PELP1: variants seen among roughly 807,000 people sequenced by gnomAD.
PELP1 encodes proline, glutamate and leucine rich protein 1.
In PELP1, 32 loss-of-function variants were observed where a neutral mutation model predicts 95.5. The observed-to-expected ratio is 0.34, with a 90% CI of 0.25 to 0.45. The LOEUF (loss-of-function observed/expected upper bound fraction) is 0.45, where lower values mean the gene tolerates loss of function less well. Among genes scored for constraint, PELP1 ranks in the 20% least tolerant of loss-of-function variants. The pLI is 1.00. For missense variants in PELP1, 1,358 were observed against 1,444.8 expected, an observed-to-expected ratio of 0.94 and a Z score of 0.97; for synonymous variants, 668 against 600.1, an observed-to-expected ratio of 1.11 and a Z score of -1.65.
chr17:4,685,620 T>C (rs576861089), intron 3 of PELP1, among the ~76,000 whole-genome samples: 2 of 41,692 alleles, frequency 4.8e-5, no homozygotes, highest in South Asian at 1.4e-3. Context: ...CAAGAACCCA[T>C]CTGTACAAAA....
chr17:4,673,204 CAA>C lies in PELP1; in HGVS notation c.1845+44_1845+45del. On this transcript the variant is annotated intron_variant, in intron 15 of 16. Coordinates refer to ENST00000572293, the MANE Select transcript of PELP1 (RefSeq NM_014389.3). The surrounding 1 kb of genome is among the most constrained non-coding windows in gnomAD (Gnocchi z 5.7). ...AGAAATACTGGGAGTCTCTTGGAAA[CAA>C]GAGACTCCAGGAACCAAAGAGGGGC... The C allele has an allele frequency of 2.6e-6, 4 of 1,533,654 alleles. No individual in the cohort carries two copies. Among genetic ancestry groups the C allele is most frequent in the Non-Finnish European group, 2.6e-6 (3 of 1,135,708 alleles).
At chr17:4,687,913 C>T (rs1203571126) in intron 3 of PELP1, among the ~76,000 whole-genome samples, 3 of 152,230 alleles carry the variant, frequency 2.0e-5, no homozygotes, top group Non-Finnish European at 2.9e-5. Flanking sequence ...CAACCTTATA[C>T]TGAACAGGGA....
At chr17:4,697,215 C>G (rs368029582) in intron 1 of PELP1, among the ~76,000 whole-genome samples, 2 of 151,752 alleles carry the variant, frequency 1.3e-5, no homozygotes, top group Non-Finnish European at 2.9e-5. Flanking sequence ...ACAGGAGAAT[C>G]GAGAGGAGAG....
At position 4,675,723 on chromosome 17, in the gene PELP1, T is replaced by A. The variant is rs543366159; in HGVS notation, c.1068+74A>T. The A allele has an allele frequency of 9.3e-7, 1 of 1,070,276 alleles. No homozygotes were observed. The highest frequency in any genetic ancestry group is 1.6e-5 in the African/African-American group (1 of 63,982). 66.3% of individuals were successfully genotyped at this position (1,070,276 alleles called of 1,614,324 possible). A position where few individuals can be genotyped will look rare whatever the true frequency, so the allele number is the denominator to read the frequency against. On this transcript the variant is annotated intron_variant, in intron 9 of 16. Transcript: ENST00000572293. This position sits in a 1 kb window ranked among gnomAD's most constrained non-coding sequence, Gnocchi z 4.3. ...CCAGGATGACACTGTTTGGGGAGAC[T>A]CAGGTCCCCAGTACTTTCCTGGTTG...
chr17:4,676,250 C>A, intron 7 of PELP1, 88 bp from the exon 8 acceptor site: 1 of 1,582,290 alleles, frequency 6.3e-7, no homozygotes. Context: ...GTATTCTAAC[C>A]CATTTTCCCC....
At chr17:4,679,500 G>T (rs56376949) in intron 5 of PELP1, among the ~76,000 whole-genome samples, 1,929 of 152,272 alleles carry the variant, frequency 0.013, 14 homozygotes, top group Non-Finnish European at 0.019. Flanking sequence ...ATCCTGTTAA[G>T]TAACACTCAA....
intron 1 of PELP1, among the ~76,000 whole-genome samples, chr17:4,695,312 A>G (rs888542365): frequency 3.4e-4 from 40 of 119,300 alleles, no homozygotes; most frequent in African/African-American, 1.1e-3. Context: ...ACAGAGTGAG[A>G]CTCCGTCTGG....
intron 3 of PELP1, 170 bp from the exon 4 acceptor site, chr17:4,683,122 A>G (rs1401200027): frequency 1.6e-6 from 2 of 1,258,214 alleles, no homozygotes; most frequent in Non-Finnish European, 2.0e-6. Context: ...CTGTGTTTAC[A>G]TTTTACTATT....
chr17:4,702,183 C>A (rs927443492), intron 1 of PELP1, among the ~76,000 whole-genome samples: 1 of 152,148 alleles, frequency 6.6e-6, no homozygotes, highest in Non-Finnish European at 1.5e-5. Flanking sequence ...CTTTGGGAAG[C>A]CAAGGCAAGT....
At chr17:4,680,206 C>T (rs1912638450) in intron 5 of PELP1, among the ~76,000 whole-genome samples, 1 of 152,142 alleles carries the variant, frequency 6.6e-6, no homozygotes, top group Admixed American at 6.6e-5. Flanking sequence ...CAGTGGGCAC[C>T]CACTAAAGAC....
chr17:4,696,027 G>A (rs1481931882), intron 1 of PELP1, among the ~76,000 whole-genome samples: 2 of 15,466 alleles, frequency 1.3e-4, no homozygotes. Context: ...AGTGTTCCAG[G>A]AAAAGAAAAA....
intron 1 of PELP1, among the ~76,000 whole-genome samples, chr17:4,694,165 C>T (rs1913207325): frequency 6.6e-6 from 1 of 152,028 alleles, no homozygotes; most frequent in African/African-American, 2.4e-5. Flanking sequence ...ATAGGCAAAT[C>T]TCTAAAGAAA....
chr17:4,676,371 T>C lies in PELP1; in HGVS notation c.839A>G (p.Glu280Gly). The change falls in exon 7 of 17, where the codon GAG becomes GGG. Residue 280 changes from glutamate to glycine, a missense_variant. This residue lies in a region of PELP1 where 538 missense variants were observed against 628.1 expected (regional missense o/e 0.86). Transcript: ENST00000572293. ...CTGGTCCCTACCAGTCTCTGCTCCC[T>C]CGTACAGGGCCCCCAGCAGGGTGTG... Reference protein sequence around the residue: ...SLHTLLGALYEGAETAPVQNE... With the variant: ...SLHTLLGALYGGAETAPVQNE... The C allele has an allele frequency of 6.2e-7, 1 of 1,613,298 alleles. No homozygotes were observed. The highest frequency in any genetic ancestry group is 8.5e-7 in the Non-Finnish European group (1 of 1,179,672).
At chr17:4,687,035 T>C (rs1433091271) in intron 3 of PELP1, among the ~76,000 whole-genome samples, 4 of 152,222 alleles carry the variant, frequency 2.6e-5, no homozygotes, top group Non-Finnish European at 5.9e-5. Flanking sequence ...TCTTCTCTCA[T>C]GGCTTTGGCA....
chr17:4,688,242 G>A (rs940166967), intron 3 of PELP1, among the ~76,000 whole-genome samples: 19 of 152,076 alleles, frequency 1.2e-4, no homozygotes, highest in African/African-American at 4.6e-4. Flanking sequence ...GGCTGAGGCA[G>A]AAGAATTGCT....
Position 4,671,924 on chromosome 17 carries a change from C to T in PELP1, c.3067G>A (p.Ala1023Thr), listed in dbSNP as rs1244715577. Residue 1023 changes from alanine to threonine, a missense_variant, in exon 16 of 17, where the codon GCT becomes ACT. Transcript: ENST00000572293. ...AGCGCTTCAGGGGCCAGGGTGGGAG[C>T]TGTGTCAGCCCCACGCTCCTCCTCC... Reference protein sequence around the residue: ...GTEEERGADTAPTLAPEALPS... With the variant: ...GTEEERGADTTPTLAPEALPS... 6.6e-7 allele frequency: 1 copy of T among 1,519,638 alleles called. No homozygotes were observed. The highest frequency in any genetic ancestry group is 2.3e-5 in the East Asian group (1 of 44,072). 94.1% of individuals were successfully genotyped at this position (1,519,638 alleles called of 1,614,324 possible).
intron 16 of PELP1, 42 bp downstream of exon 16, chr17:4,671,649 C>A: frequency 6.2e-7 from 1 of 1,601,632 alleles, no homozygotes; most frequent in East Asian, 2.2e-5. Context: ...CCCGCCAGCC[C>A]CACCTTCTCG....
At chr17:4,700,770 T>A (rs189556081) in intron 1 of PELP1, among the ~76,000 whole-genome samples, 48 of 150,214 alleles carry the variant, frequency 3.2e-4, no homozygotes, top group Non-Finnish European at 6.1e-4. Context: ...ACAAAAAAAA[T>A]TTTTAAATTA....
At chr17:4,671,552 A>C in intron 16 of PELP1, 21 bp from the exon 17 acceptor site, 1 of 1,613,268 alleles carries the variant, frequency 6.2e-7, no homozygotes, top group Non-Finnish European at 8.5e-7. Context: ...CAAAGATACA[A>C]GATTCAGAAT....
Sources: allele counts gnomAD v4.1 joint callset (sites outside exome capture counted in the v4.1 genomes callset), GRCh38; gene constraint gnomAD v4.1.1; regional missense constraint gnomAD v4.1.1; non-coding constraint Gnocchi (gnomAD v3.1); transcripts MANE v1.5; gene names NCBI Gene and HGNC (gene_info 2026-07-23, HGNC 2026-07-21).